Variants in ERC1 observed in about 807,000 individuals in gnomAD.
The protein encoded by ERC1 is ELKS/RAB6-interacting/CAST family member 1.
A neutral mutation model predicts 132.0 loss-of-function variants in ERC1; 56 were observed. That is an observed-to-expected ratio of 0.42 (90% CI 0.34 to 0.53). The LOEUF (loss-of-function observed/expected upper bound fraction) is 0.53. Ranked by LOEUF, ERC1 falls within the 20% of genes least tolerant of loss-of-function variation. The pLI is 0.03. For synonymous variants in ERC1, 478 were observed against 476.1 expected (o/e 1.00, Z -0.05); for missense variants, 1,202 against 1,349.9 (o/e 0.89, Z 1.72).
intron 12 of ERC1, among the ~76,000 whole-genome samples, chr12:1,212,829 C>T (rs1013436398): frequency 2.6e-5 from 4 of 152,136 alleles, no homozygotes; most frequent in Admixed American, 6.5e-5. Context: ...CCCAGGGCAC[C>T]GCTGGCTGGA....
intron 8 of ERC1, among the ~76,000 whole-genome samples, chr12:1,177,051 C>T (rs1284580185): frequency 6.6e-6 from 1 of 152,154 alleles, no homozygotes; most frequent in East Asian, 1.9e-4. Flanking sequence ...ACCTCATGAC[C>T]AACCTCTGCT....
At chr12:1,203,740 CTTG>C (rs1325050629) in intron 12 of ERC1, among the ~76,000 whole-genome samples, 1 of 152,176 alleles carries the variant, frequency 6.6e-6, no homozygotes, top group African/African-American at 2.4e-5. Flanking sequence ...AGAAAAACTG[CTTG>C]TTGTTGTAAA....
Position 1,118,718 on chromosome 12 carries a change from C to T in ERC1, c.1569+2685C>T, listed in dbSNP as rs113257316. 7.1e-4 allele frequency among the ~76,000 whole-genome samples: 108 copies of T among 152,180 alleles called. 2 individuals carry two copies. Among genetic ancestry groups the T allele is most frequent in the Admixed American group, 3.3e-4 (5 of 15,264 alleles). On this transcript the variant is annotated intron_variant, in intron 7 of 18. Transcript: ENST00000360905. ...GCCAGTGTTAGAGCCCAGTAAAAGG[C>T]AGTTTATACCAGCTCTTTGAAAGTT...
At chr12:1,431,740 A>T (rs1038391931) in intron 17 of ERC1, among the ~76,000 whole-genome samples, 1 of 152,182 alleles carries the variant, frequency 6.6e-6, no homozygotes, top group Non-Finnish European at 1.5e-5. Context: ...ATTTTTTAAG[A>T]TAGTAATTAT....
chr12:1,432,389 CTTG>C lies in ERC1; in HGVS notation c.3025-12168_3025-12166del, dbSNP rs1407806035. Among the ~76,000 whole-genome samples the C allele has an allele frequency of 3.3e-5, 5 of 152,154 alleles. No homozygotes were observed. The East Asian group carries it at 9.6e-4, about 29-fold the overall frequency. ...GTAGTGCTGTGTTGCTTATCTGGTT[CTTG>C]TTGTGCTTCTTGTCATTTTACATGC... On this transcript the variant is annotated intron_variant, in intron 17 of 18. Transcript: ENST00000360905.
At chr12:996,590 C>T (rs1218203781) in intron 1 of ERC1, among the ~76,000 whole-genome samples, 1 of 152,018 alleles carries the variant, frequency 6.6e-6, no homozygotes, top group Non-Finnish European at 1.5e-5. Context: ...GAGACCCCAT[C>T]TGTAAATTAA....
chr12:1,202,148 C>T (rs1303267624), intron 12 of ERC1, among the ~76,000 whole-genome samples: 5 of 152,138 alleles, frequency 3.3e-5, no homozygotes, highest in Non-Finnish European at 5.9e-5. Flanking sequence ...TCATAGACTT[C>T]CTTTAAAAGG....
At chr12:1,243,417 A>T (rs2075961439) in intron 13 of ERC1, among the ~76,000 whole-genome samples, 1 of 151,852 alleles carries the variant, frequency 6.6e-6, no homozygotes, top group Non-Finnish European at 1.5e-5. Context: ...CTATGTAGGG[A>T]TGTAATGAAA....
chr12:1,077,668 C>G (rs536612654), intron 2 of ERC1, among the ~76,000 whole-genome samples: 2 of 152,296 alleles, frequency 1.3e-5, no homozygotes, highest in East Asian at 3.9e-4. Context: ...GTGTCGGGAA[C>G]AGACTTCCCA....
chr12:1,242,951 G>A (rs1024134570), intron 13 of ERC1, among the ~76,000 whole-genome samples: 2 of 152,130 alleles, frequency 1.3e-5, no homozygotes, highest in Non-Finnish European at 2.9e-5. Context: ...ACTTTGGGAG[G>A]CCGAGGCGGG....
Position 1,383,462 on chromosome 12 carries a change from T to TA in ERC1, c.2925+11486dup, listed in dbSNP as rs1300052613. 2.0e-5 allele frequency among the ~76,000 whole-genome samples: 3 copies of TA among 152,324 alleles called. No individual in the cohort carries two copies. The East Asian group carries it at 5.8e-4, about 29-fold the overall frequency. ...TTGGTCTCTTTTGAACTAATGTAGA[T>TA]ACTCATTAAAAGCAAATGTGAATTA... On this transcript the variant is annotated intron_variant, in intron 16 of 18. Coordinates refer to ENST00000360905, the MANE Select transcript of ERC1 (RefSeq NM_178040.4).
intron 17 of ERC1, chr12:1,430,179 T>G (rs2092752374): frequency 6.6e-6 from 1 of 152,090 alleles, no homozygotes; most frequent in South Asian, 2.1e-4. Context: ...GAGTCCAGCT[T>G]CACCCAAAAT....
At chr12:1,192,424 A>G (rs1955828605) in intron 12 of ERC1, among the ~76,000 whole-genome samples, 1 of 152,172 alleles carries the variant, frequency 6.6e-6, no homozygotes, top group Non-Finnish European at 1.5e-5. Flanking sequence ...GTTTCTTACT[A>G]ATCATTTGCT....
chr12:1,384,873 C>T (rs1591670358), intron 16 of ERC1, among the ~76,000 whole-genome samples: 1 of 152,166 alleles, frequency 6.6e-6, no homozygotes, highest in African/African-American at 2.4e-5. Context: ...CAGAAAATTA[C>T]AACCTACTAA....
At chr12:1,436,971 G>T (rs566128347) in intron 17 of ERC1, among the ~76,000 whole-genome samples, 518 of 149,292 alleles carry the variant, frequency 3.5e-3, no homozygotes, top group Middle Eastern at 6.9e-3. Flanking sequence ...AAGCCATTCA[G>T]ATATATATAT....
At chr12:1,375,882 G>A (rs1023631128) in intron 16 of ERC1, among the ~76,000 whole-genome samples, 4 of 151,908 alleles carry the variant, frequency 2.6e-5, no homozygotes, top group Non-Finnish European at 4.4e-5. Context: ...GATTATGGGT[G>A]CCCGCCACCG....
intron 17 of ERC1, among the ~76,000 whole-genome samples, chr12:1,424,035 C>CGTGT (rs369499032): frequency 4.7e-5 from 7 of 150,384 alleles, no homozygotes; most frequent in East Asian, 2.0e-4. Flanking sequence ...TGTGTATGTA[C>CGTGT]GTGTGTGTGT....
At chr12:1,234,494 A>G (rs1594419612) in intron 12 of ERC1, among the ~76,000 whole-genome samples, 1 of 152,234 alleles carries the variant, frequency 6.6e-6, no homozygotes, top group East Asian at 1.9e-4. Context: ...AGTTTTTCCC[A>G]AACTGACATT....
rs951529365 is a variant in ERC1, at chr12:1,340,807, C to T, written c.2781-31026C>T. ...TAGAGACAGAGTCTCTCCATATTGC[C>T]GAGGCTCGTTTCCAATTCCTGGGCT... On this transcript the variant is annotated intron_variant, in intron 15 of 18. Coordinates refer to ENST00000360905, the MANE Select transcript of ERC1 (RefSeq NM_178040.4). 5.9e-5 allele frequency among the ~76,000 whole-genome samples: 9 copies of T among 151,978 alleles called. No individual in the cohort carries two copies. The East Asian group carries it at 7.8e-4, about 13-fold the overall frequency.
Sources: gnomAD v4.1 joint callset for allele counts (sites outside exome capture counted in the v4.1 genomes callset) on GRCh38, gnomAD v4.1.1 for gene constraint, MANE v1.5 for transcripts, NCBI Gene and HGNC (gene_info 2026-07-23, HGNC 2026-07-21) for gene names.